Variants in ZBTB49 observed in about 807,000 individuals in gnomAD.
The protein encoded by ZBTB49 is zinc finger and BTB domain containing 49.
Under a neutral mutation model 57.5 loss-of-function variants are expected in ZBTB49, and 43 were observed. The observed-to-expected ratio is 0.75, with a 90% CI of 0.59 to 0.97. The LOEUF (loss-of-function observed/expected upper bound fraction) is 0.97, where lower values mean the gene tolerates loss of function less well. Ranked by LOEUF, ZBTB49 falls within the 50% of genes least tolerant of loss-of-function variation. The pLI, the probability that ZBTB49 is intolerant of heterozygous loss-of-function variation, is 0.00. For missense variants in ZBTB49, 938 were observed against 947.7 expected, an observed-to-expected ratio of 0.99 and a Z score of 0.13; for synonymous variants, 369 against 362.1, an observed-to-expected ratio of 1.02 and a Z score of -0.22.
Position 4,299,971 on chromosome 4 carries a change from G to T in ZBTB49, c.26G>T (p.Cys9Phe). MDPVATHS[C>F]HLLQQLHEQR... ...ATGGACCCTGTTGCTACCCACAGCT[G>T]CCATCTGCTCCAGCAACTGCATGAG... The change falls in exon 2 of 8, where the codon TGC becomes TTC. Residue 9 changes from cysteine (C) to phenylalanine (F), a missense_variant. This residue lies in a region of ZBTB49 where 100 missense variants were observed against 112.5 expected (regional missense o/e 0.89). Coordinates refer to ENST00000337872, the MANE Select transcript of ZBTB49 (RefSeq NM_145291.4). 6.2e-7 allele frequency: 1 copy of T among 1,614,162 alleles called. No individual in the cohort carries two copies. Among genetic ancestry groups the T allele is most frequent in the African/African-American group, 1.3e-5 (1 of 75,048 alleles).
chr4:4,292,558 A>G (rs891185160), intron 1 of ZBTB49, among the ~76,000 whole-genome samples: 5 of 152,194 alleles, frequency 3.3e-5, no homozygotes, highest in Admixed American at 6.5e-5. Context: ...GTTTAACCCA[A>G]TTGGCCTTCC....
intron 5 of ZBTB49, among the ~76,000 whole-genome samples, chr4:4,314,299 G>A (rs1304935697): frequency 2.0e-5 from 3 of 152,252 alleles, no homozygotes; most frequent in Non-Finnish European, 2.9e-5. Context: ...GCCCCTGCAT[G>A]TCTTGTTTTG....
chr4:4,297,192 T>C (rs550006711), intron 1 of ZBTB49, among the ~76,000 whole-genome samples: 27 of 152,278 alleles, frequency 1.8e-4, no homozygotes, highest in African/African-American at 6.5e-4. Context: ...TGCCTCAGCC[T>C]CCCCAGTAGC....
intron 4 of ZBTB49, among the ~76,000 whole-genome samples, chr4:4,308,702 G>A (rs893674596): frequency 6.6e-6 from 1 of 152,220 alleles, no homozygotes; most frequent in South Asian, 2.1e-4. Flanking sequence ...CTGTGTGCCG[G>A]GAAGGGGGAC....
chr4:4,318,831 A>C (rs1420701418), intron 7 of ZBTB49, among the ~76,000 whole-genome samples: 1 of 152,002 alleles, frequency 6.6e-6, no homozygotes, highest in Non-Finnish European at 1.5e-5. Context: ...CAGACATGAA[A>C]GCACAAAGGC....
intron 4 of ZBTB49, among the ~76,000 whole-genome samples, chr4:4,311,972 C>G (rs1277835573): frequency 6.6e-6 from 1 of 152,216 alleles, no homozygotes; most frequent in African/African-American, 2.4e-5. Context: ...ATTCACAAGT[C>G]AATATCAAAC....
chr4:4,304,768 T>C (rs1720664893), intron 3 of ZBTB49, among the ~76,000 whole-genome samples: 1 of 152,212 alleles, frequency 6.6e-6, no homozygotes, highest in Non-Finnish European at 1.5e-5. Context: ...CCTCCTCTTA[T>C]GAGTGTACAG....
chr4:4,315,743 T>TTGAATAGGAAA (rs1372563559), intron 6 of ZBTB49, 25 bp downstream of exon 6: 2 of 1,595,618 alleles, frequency 1.3e-6, no homozygotes, highest in Admixed American at 3.4e-5. Context: ...TTTCCTATTC[T>TTGAATAGGAAA]TCTTGAAGAT....
chr4:4,312,100 T>C (rs1450506754), intron 4 of ZBTB49, among the ~76,000 whole-genome samples: 1 of 152,234 alleles, frequency 6.6e-6, no homozygotes, highest in East Asian at 1.9e-4. Context: ...TTTTCACTTA[T>C]CTTGTGCATG....
At chr4:4,303,602 A>G (rs1420544830) in intron 3 of ZBTB49, among the ~76,000 whole-genome samples, 1 of 152,242 alleles carries the variant, frequency 6.6e-6, no homozygotes. Context: ...CTTTTTAATA[A>G]GAATCAGCTT....
intron 4 of ZBTB49, among the ~76,000 whole-genome samples, chr4:4,308,541 G>A (rs543699071): frequency 2.1e-3 from 314 of 152,242 alleles, no homozygotes; most frequent in African/African-American, 7.1e-3. Flanking sequence ...CTTTTGTTAG[G>A]TTTCTGTGAT....
intron 5 of ZBTB49, among the ~76,000 whole-genome samples, chr4:4,315,090 T>C (rs1721131062): frequency 6.6e-6 from 1 of 152,240 alleles, no homozygotes; most frequent in Non-Finnish European, 1.5e-5. Context: ...CCATACCTCT[T>C]GGTCCCTGAG....
chr4:4,321,043 T>C lies in ZBTB49; in HGVS notation c.2025T>C (p.Gly675=), dbSNP rs73793210. 0.033 allele frequency: 53,882 copies of C among 1,614,040 alleles called. 5,478 individuals carry two copies. In the East Asian group the frequency reaches 0.34, roughly 10 times the overall value. ...AGGAGAAGCTGAGTTTGGATCCTGG[T>C]AAACTTGCCAAGCCCCAGATGCAGC... ...SDQEKLSLDP[G]KLAKPQMQQT... is the part of the protein sequence containing the mutation. Residue 675 remains glycine (G), a synonymous_variant, in exon 8 of 8, where the codon GGT becomes GGC. Coordinates refer to ENST00000337872, the MANE Select transcript of ZBTB49 (RefSeq NM_145291.4).
intron 4 of ZBTB49, among the ~76,000 whole-genome samples, chr4:4,308,856 T>C (rs995343732): frequency 6.6e-6 from 1 of 152,220 alleles, no homozygotes; most frequent in African/African-American, 2.4e-5. Flanking sequence ...CCTTTCTACC[T>C]GAAAGGTGTG....
chr4:4,309,239 G>A lies in ZBTB49; in HGVS notation c.1302+3055G>A, dbSNP rs1036168822. Among the ~76,000 whole-genome samples, 10 of 152,168 alleles carry A rather than the reference G, an allele frequency of 6.6e-5. No homozygotes were observed. In the South Asian group the frequency reaches 8.3e-4, roughly 13 times the overall value. On this transcript the variant is annotated intron_variant, in intron 4 of 7. Coordinates refer to ENST00000337872, the MANE Select transcript of ZBTB49 (RefSeq NM_145291.4). ...ATGGCATGCCAGCATAAGGAAGTTA[G>A]CATCATCTTAGAGTGACCACAGAAG...
At chr4:4,292,652 G>T (rs147139991) in intron 1 of ZBTB49, among the ~76,000 whole-genome samples, 147 of 152,336 alleles carry the variant, frequency 9.6e-4, no homozygotes, top group African/African-American at 3.4e-3. Flanking sequence ...TAGGGTGGAG[G>T]TGAGGAGCTA....
chr4:4,293,253 A>T (rs1287818083), intron 1 of ZBTB49, among the ~76,000 whole-genome samples: 1 of 150,762 alleles, frequency 6.6e-6, no homozygotes, highest in Non-Finnish European at 1.5e-5. Flanking sequence ...TCACTAGGTG[A>T]GTTAGTCGCA....
In ZBTB49 at chr4:4,290,294, C is replaced by T. The variant is rs760639190; in HGVS notation, c.-78C>T. ...CGGCCAGCGGATCGCTGCGAGTGGCCTTGAAGGCAGCTGCTGCAGGTGAAG... is the reference window on the plus strand; with the variant it reads ...CGGCCAGCGGATCGCTGCGAGTGGCTTTGAAGGCAGCTGCTGCAGGTGAAG... On this transcript the variant is annotated 5_prime_UTR_variant, in exon 1 of 8. Transcript: ENST00000337872. 2.0e-5 allele frequency: 3 copies of T among 152,436 alleles called. No homozygotes were observed. In the East Asian group the frequency reaches 5.8e-4, roughly 29 times the overall value. The allele number at this position is 152,436 out of a possible 1,614,324, so 9.4% of individuals were successfully genotyped here. A position where few individuals can be genotyped will look rare whatever the true frequency, so the allele number is the denominator to read the frequency against.
rs1240569035 is a variant in ZBTB49 at position 4,316,079 on chromosome 4, C to G, written c.1621+109C>G. 3.5e-6 allele frequency: 5 copies of G among 1,419,008 alleles called. No individual in the cohort carries two copies. In the African/African-American group the frequency reaches 5.7e-5, roughly 16 times the overall value. The allele number at this position is 1,419,008 out of a possible 1,614,324, so 87.9% of individuals were successfully genotyped here. A position where few individuals can be genotyped will look rare whatever the true frequency, so the allele number is the denominator to read the frequency against. On this transcript the variant is annotated intron_variant, in intron 7 of 7. Coordinates refer to ENST00000337872, the MANE Select transcript of ZBTB49 (RefSeq NM_145291.4). ...TCTGGGATGAGCCCTTTGTTTCCTC[C>G]TGTTTTTTTATTGCCTCACATGATC...
Sources: gnomAD v4.1 joint callset for allele counts (sites outside exome capture counted in the v4.1 genomes callset) on GRCh38, gnomAD v4.1.1 for gene constraint, gnomAD v4.1.1 regional missense constraint, MANE v1.5 for transcripts, NCBI Gene and HGNC (gene_info 2026-07-23, HGNC 2026-07-21) for gene names.